Variants in PAX7 observed in about 807,000 individuals in gnomAD.
PAX7 encodes paired box protein Pax-7.
In PAX7, 18 loss-of-function variants were observed where a neutral mutation model predicts 50.7. That is an observed-to-expected ratio of 0.36 (90% CI 0.25 to 0.53). The LOEUF (loss-of-function observed/expected upper bound fraction) is 0.53. PAX7 is among the 20% of genes least tolerant of loss of function. The pLI is 0.93. For missense variants in PAX7, 644 were observed against 702.9 expected (o/e 0.92, Z 0.95); for synonymous variants, 310 against 290.4 (o/e 1.07, Z -0.69).
chr1:18,664,415 G>C (rs1232249546), intron 4 of PAX7, among the ~76,000 whole-genome samples: 1 of 152,214 alleles, frequency 6.6e-6, no homozygotes, highest in Admixed American at 6.5e-5. Context: ...CAAATGGGGA[G>C]CTGGTGACCT....
intron 5 of PAX7, among the ~76,000 whole-genome samples, chr1:18,692,588 A>T (rs1430031655): frequency 6.6e-6 from 1 of 152,236 alleles, no homozygotes; most frequent in Non-Finnish European, 1.5e-5. Context: ...GCATTAGTTC[A>T]GCCAGAAGAG....
rs570290603 is a variant in PAX7 at position 18,666,685 on chromosome 1, C to T, written c.587-25069C>T. 2.7e-4 allele frequency among the ~76,000 whole-genome samples: 41 copies of T among 152,284 alleles called. 1 individual carries two copies. The East Asian group carries it at 4.2e-3, about 16-fold the overall frequency. ...GGAGGCATCTAGCCAATCACAGAGCCCTGACACCACCCCATTGCCCGGCAA... is the reference window on the plus strand; with the variant it reads ...GGAGGCATCTAGCCAATCACAGAGCTCTGACACCACCCCATTGCCCGGCAA... On this transcript the variant is annotated intron_variant, in intron 4 of 8. Transcript: ENST00000420770.
intron 5 of PAX7, among the ~76,000 whole-genome samples, chr1:18,699,822 A>C (rs1216352492): frequency 6.6e-6 from 1 of 152,004 alleles, no homozygotes; most frequent in Non-Finnish European, 1.5e-5. Flanking sequence ...CGGCCTCCCA[A>C]AGTGCTGGGA....
chr1:18,715,015 G>A (rs2089400792), intron 7 of PAX7, among the ~76,000 whole-genome samples: 2 of 152,248 alleles, frequency 1.3e-5, no homozygotes, highest in Non-Finnish European at 2.9e-5. Context: ...GCAGGAGGAA[G>A]GCCGCTGGGA....
At chr1:18,675,709 G>A (rs1284689212) in intron 4 of PAX7, among the ~76,000 whole-genome samples, 4 of 152,170 alleles carry the variant, frequency 2.6e-5, no homozygotes, top group Non-Finnish European at 5.9e-5. Context: ...ATTTTCTGTC[G>A]CAGCTCTCAT....
intron 7 of PAX7, among the ~76,000 whole-genome samples, chr1:18,716,599 G>A (rs1176974504): frequency 1.5e-5 from 2 of 136,330 alleles, no homozygotes; most frequent in African/African-American, 2.9e-5. Context: ...TTCGCCCCCT[G>A]TGCCACCACC....
chr1:18,670,744 G>A (rs116440180), intron 4 of PAX7, among the ~76,000 whole-genome samples: 4,345 of 152,248 alleles, frequency 0.029, 186 homozygotes, highest in African/African-American at 0.095. Flanking sequence ...CCATGGAGAC[G>A]ACAGCCCGGG....
At chr1:18,719,549 G>T (rs1053754882) in intron 7 of PAX7, among the ~76,000 whole-genome samples, 1 of 152,222 alleles carries the variant, frequency 6.6e-6, no homozygotes, top group Non-Finnish European at 1.5e-5. Flanking sequence ...AAGGATTAAG[G>T]TCCCGTGAGG....
At chr1:18,714,962 C>G (rs2089400045) in intron 7 of PAX7, among the ~76,000 whole-genome samples, 1 of 152,244 alleles carries the variant, frequency 6.6e-6, no homozygotes, top group African/African-American at 2.4e-5. Flanking sequence ...ATTAATACAG[C>G]AGGCAGACTT....
intron 4 of PAX7, among the ~76,000 whole-genome samples, chr1:18,656,246 C>T (rs2088517933): frequency 6.6e-6 from 1 of 152,190 alleles, no homozygotes; most frequent in African/African-American, 2.4e-5. Context: ...GTAATCCCAG[C>T]ACTTTGGGAG....
intron 7 of PAX7, among the ~76,000 whole-genome samples, chr1:18,732,165 C>T (rs773197854): frequency 2.6e-5 from 4 of 152,130 alleles, no homozygotes; most frequent in Admixed American, 6.6e-5. Flanking sequence ...CCCACATAGC[C>T]CCTTATTTTT....
At chr1:18,740,139 G>A (rs1010871116) in intron 8 of PAX7, among the ~76,000 whole-genome samples, 6 of 152,168 alleles carry the variant, frequency 3.9e-5, no homozygotes, top group Non-Finnish European at 8.8e-5. Context: ...AGAGACAGAG[G>A]GACAGGGAGG....
chr1:18,649,397 C>A (rs1370123005), intron 4 of PAX7, among the ~76,000 whole-genome samples: 1 of 152,106 alleles, frequency 6.6e-6, no homozygotes, highest in Non-Finnish European at 1.5e-5. Context: ...AGTTGATTAG[C>A]CCAAGGAAGT....
chr1:18,676,777 C>T (rs1297457193), intron 4 of PAX7, among the ~76,000 whole-genome samples: 2 of 152,324 alleles, frequency 1.3e-5, no homozygotes, highest in Non-Finnish European at 2.9e-5. Flanking sequence ...CTTTCTCCAG[C>T]AACAGGCATT....
intron 4 of PAX7, among the ~76,000 whole-genome samples, chr1:18,678,081 GAAA>G (rs11349871): frequency 7.1e-5 from 9 of 126,374 alleles, no homozygotes; most frequent in Admixed American, 3.3e-4. Context: ...GACTCCGTCT[GAAA>G]AAAAAAAAAA....
intron 7 of PAX7, among the ~76,000 whole-genome samples, chr1:18,724,666 C>T (rs547583778): frequency 1.7e-4 from 26 of 152,338 alleles, no homozygotes; most frequent in Admixed American, 6.5e-4. Context: ...ACTCTATTTA[C>T]AACTTTTGAG....
At chr1:18,694,415 T>C (rs1340277499) in intron 5 of PAX7, among the ~76,000 whole-genome samples, 2 of 151,086 alleles carry the variant, frequency 1.3e-5, no homozygotes, top group African/African-American at 2.4e-5. Context: ...GCCGAGATCA[T>C]GCCATTGCAC....
intron 4 of PAX7, among the ~76,000 whole-genome samples, chr1:18,674,727 G>A (rs1041853906): frequency 2.0e-5 from 3 of 152,248 alleles, no homozygotes; most frequent in Non-Finnish European, 2.9e-5. Flanking sequence ...GGTGAGAGGG[G>A]TTGTGTGTTT....
chr1:18,734,151 G>A (rs566961205), intron 7 of PAX7, among the ~76,000 whole-genome samples: 76 of 152,230 alleles, frequency 5.0e-4, no homozygotes, highest in Non-Finnish European at 7.6e-4. Context: ...GTGTCTAGTC[G>A]GCAAAACGAT....
Sources: gnomAD v4.1 joint callset for allele counts (sites outside exome capture counted in the v4.1 genomes callset) on GRCh38, gnomAD v4.1.1 for gene constraint, MANE v1.5 for transcripts, NCBI Gene and HGNC (gene_info 2026-07-23, HGNC 2026-07-21) for gene names.